Variants in MTREX observed in about 807,000 individuals in gnomAD.
The protein encoded by MTREX is exosome RNA helicase MTR4.
MTREX carries 76 observed loss-of-function variants against 135.4 expected under a neutral mutation model. The observed-to-expected ratio is 0.56, with a 90% CI of 0.47 to 0.68. The LOEUF (loss-of-function observed/expected upper bound fraction) is 0.68, where lower values mean the gene tolerates loss of function less well. Among genes scored for constraint, MTREX ranks in the 30% least tolerant of loss-of-function variants. The probability of loss-of-function intolerance (pLI) is 0.00; values close to 1 mark genes in which losing one functional copy is unlikely to be tolerated. For synonymous variants in MTREX, 404 were observed against 401.6 expected, an observed-to-expected ratio of 1.01 and a Z score of -0.07; for missense variants, 920 against 1,262.1, an observed-to-expected ratio of 0.73 and a Z score of 4.11.
intron 3 of MTREX, chr5:55,324,824 G>T (rs771771350): frequency 1.3e-5 from 2 of 152,110 alleles, no homozygotes; most frequent in Non-Finnish European, 2.9e-5. Flanking sequence ...GCAATAAAGG[G>T]ATCTACCTTG....
At chr5:55,364,968 A>G (rs1009424329) in intron 15 of MTREX, among the ~76,000 whole-genome samples, 2 of 152,184 alleles carry the variant, frequency 1.3e-5, no homozygotes, top group African/African-American at 4.8e-5. Flanking sequence ...TGTCAGAGTG[A>G]AAGAGGGGAC....
intron 18 of MTREX, among the ~76,000 whole-genome samples, chr5:55,379,743 G>GT (rs1349129673): frequency 1.3e-5 from 2 of 152,212 alleles, no homozygotes; most frequent in African/African-American, 4.8e-5. Flanking sequence ...GGAGTTGGAA[G>GT]TGTGACATTG....
At chr5:55,308,322 G>A (rs1049322656) in intron 1 of MTREX, among the ~76,000 whole-genome samples, 175 bp downstream of exon 1, 16 of 151,936 alleles carry the variant, frequency 1.1e-4, no homozygotes, top group African/African-American at 2.2e-4. Flanking sequence ...GTGGAAGGGG[G>A]GTCTTGGCGT....
intron 18 of MTREX, among the ~76,000 whole-genome samples, chr5:55,385,288 G>A (rs527444984): frequency 2.0e-5 from 3 of 152,262 alleles, no homozygotes; most frequent in South Asian, 2.1e-4. Context: ...TATAAACCAG[G>A]GGAAGGGCTG....
chr5:55,313,526 A>C (rs1364093985), intron 1 of MTREX, among the ~76,000 whole-genome samples: 3 of 152,184 alleles, frequency 2.0e-5, no homozygotes, highest in Non-Finnish European at 4.4e-5. Flanking sequence ...TTTAAAAATA[A>C]TTTTGCAATT....
chr5:55,409,934 G>A (rs538406556), intron 22 of MTREX, among the ~76,000 whole-genome samples: 2 of 152,214 alleles, frequency 1.3e-5, no homozygotes, highest in East Asian at 3.9e-4. Flanking sequence ...GAGTCTTCTG[G>A]CCAGGTGTAG....
At chr5:55,385,660 C>T (rs894659065) in intron 18 of MTREX, among the ~76,000 whole-genome samples, 8 of 152,092 alleles carry the variant, frequency 5.3e-5, no homozygotes, top group Non-Finnish European at 1.2e-4. Context: ...GATATATTCT[C>T]TTAGGACTGT....
At chr5:55,410,391 C>T (rs2111612351) in intron 22 of MTREX, 133 bp from the exon 23 acceptor site, 2 of 442,726 alleles carry the variant, frequency 4.5e-6, no homozygotes, top group East Asian at 6.6e-5. Context: ...TTAAATAAAT[C>T]ATTGTCATTC....
intron 16 of MTREX, among the ~76,000 whole-genome samples, chr5:55,368,578 T>G (rs1339812001): frequency 6.6e-6 from 1 of 152,220 alleles, no homozygotes; most frequent in Non-Finnish European, 1.5e-5. Flanking sequence ...CATGAGTATA[T>G]AGGACAATTC....
intron 5 of MTREX, among the ~76,000 whole-genome samples, chr5:55,329,613 A>G (rs1749437831): frequency 6.6e-6 from 1 of 152,220 alleles, no homozygotes; most frequent in South Asian, 2.1e-4. Context: ...CTGATGAGAA[A>G]ATCTTAACTT....
intron 15 of MTREX, among the ~76,000 whole-genome samples, chr5:55,360,193 G>C (rs369798499): frequency 8.5e-5 from 13 of 152,210 alleles, no homozygotes; most frequent in African/African-American, 2.9e-4. Flanking sequence ...AAACAGACTC[G>C]TATAATGTGT....
At position 55,388,210 on chromosome 5, in the gene MTREX, A is replaced by G. The variant is rs568358705; in HGVS notation, c.2181+108A>G. The stretch of plus-strand genomic sequence containing the variant: ...ATGAACATACTATCATGATTTCTAA[A>G]TTAGAAGTTTTCAAGGTATTTTAAG... On this transcript the variant is annotated intron_variant, in intron 19 of 26. Transcript: ENST00000230640. 78 of 976,136 alleles carry G rather than the reference A, an allele frequency of 8.0e-5. No individual in the cohort carries two copies. The East Asian group carries it at 1.5e-3, about 19-fold the overall frequency. The allele number at this position is 976,136 out of a possible 1,614,324, so 60.5% of individuals were successfully genotyped here.
chr5:55,417,786 A>G (rs1247200657), intron 25 of MTREX, among the ~76,000 whole-genome samples: 1 of 152,238 alleles, frequency 6.6e-6, no homozygotes, highest in African/African-American at 2.4e-5. Context: ...TTCAATGCCT[A>G]ATAATAAGAC....
At chr5:55,397,904 T>A (rs961220900) in intron 20 of MTREX, among the ~76,000 whole-genome samples, 2 of 152,030 alleles carry the variant, frequency 1.3e-5, no homozygotes, top group African/African-American at 4.8e-5. Flanking sequence ...ATAGGGAAAA[T>A]TGAGATTTTG....
intron 1 of MTREX, among the ~76,000 whole-genome samples, chr5:55,314,950 G>A (rs1422480328): frequency 3.3e-5 from 5 of 152,180 alleles, no homozygotes; most frequent in African/African-American, 9.7e-5. Flanking sequence ...CAGAGCTCAG[G>A]TGATAATGTT....
intron 20 of MTREX, among the ~76,000 whole-genome samples, chr5:55,399,080 A>G (rs1424053604): frequency 2.0e-5 from 3 of 152,190 alleles, no homozygotes; most frequent in African/African-American, 7.2e-5. Context: ...CCAGTGACTC[A>G]GTTTCTTTAT....
intron 18 of MTREX, among the ~76,000 whole-genome samples, chr5:55,382,357 CGA>C (rs371273547): frequency 2.0e-5 from 3 of 151,360 alleles, no homozygotes; most frequent in African/African-American, 4.9e-5. Context: ...ATTTATATAG[CGA>C]GAGAGAGAGA....
rs939918032 is a variant in MTREX, at chr5:55,397,359, G to A, written c.2182-57G>A. The stretch of plus-strand genomic sequence containing the variant: ...TTTAGGGATCCAAGTTTAGGAAATA[G>A]TAGAATATGAACATGTGCAAATTTA... On this transcript the variant is annotated intron_variant, in intron 19 of 26. Transcript: ENST00000230640. 11 of 1,111,942 alleles carry A rather than the reference G, an allele frequency of 9.9e-6. No homozygotes were observed. The African/African-American group carries it at 1.5e-4, about 16-fold the overall frequency. The allele number at this position is 1,111,942 out of a possible 1,614,324, so 68.9% of individuals were successfully genotyped here. A position where few individuals can be genotyped will look rare whatever the true frequency, so the allele number is the denominator to read the frequency against.
chr5:55,421,882 A>T (rs915142971), intron 25 of MTREX, among the ~76,000 whole-genome samples: 1 of 152,202 alleles, frequency 6.6e-6, no homozygotes, highest in Non-Finnish European at 1.5e-5. Context: ...TTGCATAGGT[A>T]ATATGACATT....
Sources: gnomAD v4.1 joint callset for allele counts (sites outside exome capture counted in the v4.1 genomes callset) on GRCh38, gnomAD v4.1.1 for gene constraint, MANE v1.5 for transcripts, NCBI Gene and HGNC (gene_info 2026-07-23, HGNC 2026-07-21) for gene names.